Variants in ZNF280D observed in about 807,000 individuals in gnomAD.
ZNF280D encodes zinc finger protein 280D.
ZNF280D carries 39 observed loss-of-function variants against 94.7 expected under a neutral mutation model. That is an observed-to-expected ratio of 0.41 (90% confidence interval 0.32 to 0.54). The LOEUF (loss-of-function observed/expected upper bound fraction) is 0.54. Among genes scored for constraint, ZNF280D ranks in the 20% least tolerant of loss-of-function variants. The probability of loss-of-function intolerance (pLI) is 0.22; values close to 1 mark genes in which losing one functional copy is unlikely to be tolerated. For missense variants in ZNF280D, 1,090 were observed against 1,149.3 expected (o/e 0.95, Z 0.75); for synonymous variants, 398 against 377.6 (o/e 1.05, Z -0.63).
intron 1 of ZNF280D, among the ~76,000 whole-genome samples, chr15:56,726,374 T>G (rs2058632196): frequency 6.6e-6 from 1 of 152,160 alleles, no homozygotes; most frequent in Admixed American, 6.5e-5. Flanking sequence ...GCAGTTCTTT[T>G]TAGAAAGACT....
chr15:56,631,858 T>A lies in ZNF280D; in HGVS notation c.2580A>T (p.Ile860=). The A allele has an allele frequency of 6.2e-7, 1 of 1,613,876 alleles. No individual in the cohort carries two copies. The highest frequency in any genetic ancestry group is 8.5e-7 in the Non-Finnish European group (1 of 1,180,002). The change falls in exon 22 of 22, where the codon ATA becomes ATT. Residue 860 remains isoleucine, a synonymous_variant. Transcript: ENST00000267807. The part of the protein sequence containing the change: ...ELKMCQSSEN[I]ILSDQIKDHN... ...GATCTTTAATCTGATCAGATAAGAT[T>A]ATGTTTTCTGAACTTTGGCACATCT...
At chr15:56,660,633 G>A (rs1474587124) in intron 16 of ZNF280D, among the ~76,000 whole-genome samples, 1 of 151,790 alleles carries the variant, frequency 6.6e-6, no homozygotes, top group Non-Finnish European at 1.5e-5. Context: ...TCTAAGAAAG[G>A]TTTTTTATTA....
intron 7 of ZNF280D, among the ~76,000 whole-genome samples, chr15:56,689,748 C>T (rs1480981546): frequency 1.3e-5 from 2 of 151,220 alleles, no homozygotes; most frequent in Non-Finnish European, 2.9e-5. Flanking sequence ...AAATAGCTAT[C>T]ACAAAGGGAG....
At position 56,651,426 on chromosome 15, in the gene ZNF280D, CA is replaced by C. The variant is rs1373679966; in HGVS notation, c.2213+2771del. Among the ~76,000 whole-genome samples, 4 of 152,100 alleles carry C rather than the reference CA, an allele frequency of 2.6e-5. No individual in the cohort carries two copies. In the South Asian group the frequency reaches 6.2e-4, roughly 24 times the overall value. ...AACTGAAAATTCAACTAATTGCTTACAATAAGCAAACTTTGTACTGACTGCC... is the reference window on the plus strand; with the variant it reads ...AACTGAAAATTCAACTAATTGCTTACATAAGCAAACTTTGTACTGACTGCC... On this transcript the variant is annotated intron_variant, in intron 19 of 21. Transcript: ENST00000267807.
chr15:56,666,320 A>G (rs569591427), intron 16 of ZNF280D, 75 bp downstream of exon 16: 3 of 1,531,264 alleles, frequency 2.0e-6, no homozygotes, highest in African/African-American at 1.4e-5. Flanking sequence ...TTCTAATAGG[A>G]TAACTTTGTT....
rs1210235026 is a variant in ZNF280D at position 56,704,271 on chromosome 15, A to AT, written c.29-5dup. On this transcript the variant is annotated splice_region_variant and splice_polypyrimidine_tract_variant and intron_variant, in intron 3 of 21. Coordinates refer to ENST00000267807, the MANE Select transcript of ZNF280D (RefSeq NM_017661.4). The stretch of plus-strand genomic sequence containing the variant: ...AGTTCTGCCATTTTTGAATTACCTA[A>AT]TTTTCAAAAGGAGAGAAGTAAACCT... 1 of 1,602,316 alleles carries AT rather than the reference A, an allele frequency of 6.2e-7. No homozygotes were observed. The highest frequency in any genetic ancestry group is 8.5e-7 in the Non-Finnish European group (1 of 1,176,840).
In ZNF280D at chr15:56,632,097, T is replaced by C; in HGVS notation, c.2341A>G (p.Lys781Glu). 6.3e-7 allele frequency: 1 copy of C among 1,586,742 alleles called. No homozygotes were observed. Among genetic ancestry groups the C allele is most frequent in the East Asian group, 2.2e-5 (1 of 44,514 alleles). ...TTTGCATTACATCCATTTTTTTCTT[T>C]TGAAGAAGCAGCTTTATCTTGTTTA... ...ESKQDKAASSKEKNGCNANSF... is the reference protein window; with the variant it reads ...ESKQDKAASSEEKNGCNANSF... Residue 781 changes from lysine (K) to glutamate (E), a missense_variant, in exon 22 of 22, where the codon AAA becomes GAA. Around this residue, in one of 3 missense-constraint regions of ZNF280D, gnomAD observed 577 missense variants for 568.8 expected, o/e 1.01. Coordinates refer to ENST00000267807, the MANE Select transcript of ZNF280D (RefSeq NM_017661.4).
chr15:56,649,173 T>G (rs2053068561), intron 19 of ZNF280D, among the ~76,000 whole-genome samples: 1 of 152,180 alleles, frequency 6.6e-6, no homozygotes, highest in South Asian at 2.1e-4. Context: ...TTTTATTATT[T>G]TGGTTTGTTG....
chr15:56,669,887 ATTAT>A (rs1378470361), intron 13 of ZNF280D, among the ~76,000 whole-genome samples: 5 of 5,318 alleles, frequency 9.4e-4, no homozygotes, highest in South Asian at 9.6e-3. Context: ...ATATATATAT[ATTAT>A]ATATATATAT....
intron 10 of ZNF280D, among the ~76,000 whole-genome samples, chr15:56,680,370 C>T (rs1234834033): frequency 1.3e-5 from 2 of 152,108 alleles, no homozygotes; most frequent in Non-Finnish European, 2.9e-5. Context: ...TTTAAAAATA[C>T]TCAATTCCTG....
intron 13 of ZNF280D, among the ~76,000 whole-genome samples, chr15:56,669,946 ATATTAT>A (rs1172326267): frequency 3.9e-4 from 2 of 5,120 alleles, no homozygotes; most frequent in African/African-American, 1.4e-3. Context: ...TTATATATAT[ATATTAT>A]ATATATATAT....
Position 56,631,607 on chromosome 15 carries a change from G to T in ZNF280D, c.2831C>A (p.Ala944Asp). Residue 944 changes from alanine to aspartate, a missense_variant, in exon 22 of 22, where the codon GCC (alanine) becomes GAC (aspartate). By Grantham distance (126) the Ala-to-Asp change is moderately radical (BLOSUM62 -2). Around this residue, in one of 3 missense-constraint regions of ZNF280D, gnomAD observed 577 missense variants for 568.8 expected, o/e 1.01. Coordinates refer to ENST00000267807, the MANE Select transcript of ZNF280D (RefSeq NM_017661.4). ...ATCAGACACTACTTCATCAGTCTTG[G>T]CTGAAGGATCACCACTACCTTTCTG... ...ILQKGSGDPS[A>D]KTDEVVSDQT... The T allele has an allele frequency of 6.2e-7, 1 of 1,614,072 alleles. No individual in the cohort carries two copies. The highest frequency in any genetic ancestry group is 8.5e-7 in the Non-Finnish European group (1 of 1,180,004).
chr15:56,701,307 A>T, intron 4 of ZNF280D, 69 bp from the exon 5 acceptor site: 3 of 1,104,732 alleles, frequency 2.7e-6, no homozygotes, highest in Non-Finnish European at 3.9e-6. Flanking sequence ...AATAGAAATC[A>T]TGAATTGAAA....
At chr15:56,673,728 T>G (rs1188197256) in intron 13 of ZNF280D, among the ~76,000 whole-genome samples, 1 of 152,044 alleles carries the variant, frequency 6.6e-6, no homozygotes, top group Non-Finnish European at 1.5e-5. Flanking sequence ...ATTAATTTAC[T>G]CTGCTCCAGC....
In ZNF280D at chr15:56,702,440, C is replaced by G. The variant is rs140471091; in HGVS notation, c.176-1202G>C. ...CAACAATAAAACCATTTAAATTATT[C>G]ACCTTAACACTGTAGAAAAGAAATT... On this transcript the variant is annotated intron_variant, in intron 4 of 21. Coordinates refer to ENST00000267807, the MANE Select transcript of ZNF280D (RefSeq NM_017661.4). Among the ~76,000 whole-genome samples the G allele has an allele frequency of 3.1e-3, 465 of 152,116 alleles. 6 individuals are homozygous for G. Among genetic ancestry groups the G allele is most frequent in the African/African-American group, 0.011 (442 of 41,498 alleles).
rs552783926 is a variant in ZNF280D, at chr15:56,714,946, T to C, written c.-85-7640A>G. 2.6e-5 allele frequency among the ~76,000 whole-genome samples: 4 copies of C among 152,226 alleles called. No individual in the cohort carries two copies. The South Asian group carries it at 8.3e-4, about 32-fold the overall frequency. ...GGATCCTATCTCAAAAAGTTACCTA[T>C]TAGGGGGATTATGATGAATACATAA... On this transcript the variant is annotated intron_variant, in intron 1 of 21. Coordinates refer to ENST00000267807, the MANE Select transcript of ZNF280D (RefSeq NM_017661.4).
chr15:56,693,177 C>A lies in ZNF280D; in HGVS notation c.420G>T (p.Lys140Asn). 6.2e-7 allele frequency: 1 copy of A among 1,600,112 alleles called. No homozygotes were observed. The highest frequency in any genetic ancestry group is 2.3e-5 in the East Asian group (1 of 44,154). Reference protein sequence around the residue: ...ITNSSRVVSNKSSELLFDLTQ... With the variant: ...ITNSSRVVSNNSSELLFDLTQ... ...TCAAGTCAAACAGTAACTCTGATGA[C>A]TTATTAGACACAACTCGTGATGAGT... is the stretch of plus-strand genomic sequence containing the variant. The change falls in exon 7 of 22, where the codon AAG becomes AAT. Residue 140 changes from lysine to asparagine, a missense_variant. Transcript: ENST00000267807.
At chr15:56,661,720 G>C (rs1477068855) in intron 16 of ZNF280D, among the ~76,000 whole-genome samples, 2 of 151,966 alleles carry the variant, frequency 1.3e-5, no homozygotes, top group Admixed American at 6.6e-5. Flanking sequence ...CAATAACCTA[G>C]GTAAATTTAT....
rs1047045946 is a variant in ZNF280D, at chr15:56,671,975, T to C, written c.1411-3018A>G. On this transcript the variant is annotated intron_variant, in intron 13 of 21. Transcript: ENST00000267807. ...GGGGAGTTCATTCATGATTTGGTTCTTGGCTTGCCTGTTATTGGTATATAG... is the reference window on the plus strand; with the variant it reads ...GGGGAGTTCATTCATGATTTGGTTCCTGGCTTGCCTGTTATTGGTATATAG... 3.3e-5 allele frequency among the ~76,000 whole-genome samples: 5 copies of C among 152,160 alleles called. No individual in the cohort carries two copies. The East Asian group carries it at 9.6e-4, about 29-fold the overall frequency.
Sources: gnomAD v4.1 joint callset for allele counts (sites outside exome capture counted in the v4.1 genomes callset) on GRCh38, gnomAD v4.1.1 for gene constraint, gnomAD v4.1.1 regional missense constraint, MANE v1.5 for transcripts, NCBI Gene and HGNC (gene_info 2026-07-23, HGNC 2026-07-21) for gene names.